Variants in OR2L13 observed in about 807,000 individuals in gnomAD.
OR2L13 encodes olfactory receptor family 2 subfamily L member 13.
In OR2L13, 14 loss-of-function variants were observed where a neutral mutation model predicts 15.3. That is an observed-to-expected ratio of 0.91 (90% CI 0.60 to 1.43). The LOEUF is 1.43. Ranked by LOEUF, OR2L13 falls within the 40% of genes most tolerant of loss-of-function variation. The pLI, the probability that OR2L13 is intolerant of heterozygous loss-of-function variation, is 0.00. For missense variants in OR2L13, 367 were observed against 387.9 expected, an observed-to-expected ratio of 0.95 and a Z score of 0.45; for synonymous variants, 152 against 142.9, an observed-to-expected ratio of 1.06 and a Z score of -0.45.
the OR2L13 span, among the ~76,000 whole-genome samples, chr1:248,049,226 T>C: frequency 1.3e-5 from 2 of 152,168 alleles, no homozygotes; most frequent in African/African-American, 4.8e-5. Context: ...GAGACTATGT[T>C]TGAAAAATCT....
At chr1:247,971,031 C>T in the OR2L13 span, among the ~76,000 whole-genome samples, 3 of 152,030 alleles carry the variant, frequency 2.0e-5, no homozygotes, top group African/African-American at 7.3e-5. Flanking sequence ...AATTTTCAGG[C>T]AAGAAATTTG....
chr1:247,976,288 G>T, the OR2L13 span, among the ~76,000 whole-genome samples: 5 of 152,132 alleles, frequency 3.3e-5, no homozygotes, highest in Non-Finnish European at 5.9e-5. Context: ...GGTTGCCACC[G>T]GTATTCTCAT....
upstream of OR2L13, among the ~76,000 whole-genome samples, chr1:248,096,215 G>A (rs776995737): frequency 2.0e-5 from 3 of 151,506 alleles, no homozygotes; most frequent in Non-Finnish European, 4.4e-5. Context: ...GGTCTCTACT[G>A]AAAATACAAA....
At chr1:248,053,358 T>C in the OR2L13 span, among the ~76,000 whole-genome samples, 1 of 152,242 alleles carries the variant, frequency 6.6e-6, no homozygotes, top group Non-Finnish European at 1.5e-5. Flanking sequence ...CTATCATTAA[T>C]GGACATTTGG....
chr1:248,021,699 A>G, the OR2L13 span, among the ~76,000 whole-genome samples: 1 of 152,218 alleles, frequency 6.6e-6, no homozygotes, highest in African/African-American at 2.4e-5. Flanking sequence ...CTTTTATTAG[A>G]GTATATAGTT....
chr1:248,017,909 G>A, the OR2L13 span, among the ~76,000 whole-genome samples: 135 of 152,198 alleles, frequency 8.9e-4, no homozygotes, highest in African/African-American at 3.2e-3. Context: ...TAAGAAGGAG[G>A]TGAGGGAGAA....
At chr1:247,976,961 C>G in the OR2L13 span, among the ~76,000 whole-genome samples, 1 of 152,242 alleles carries the variant, frequency 6.6e-6, no homozygotes, top group Non-Finnish European at 1.5e-5. Context: ...TCTCAGGGTA[C>G]ACATCAGGTA....
At chr1:247,959,411 T>G in the OR2L13 span, among the ~76,000 whole-genome samples, 1 of 152,122 alleles carries the variant, frequency 6.6e-6, no homozygotes, top group Non-Finnish European at 1.5e-5. Context: ...GAATCTGACA[T>G]TTGCTTTTCT....
the OR2L13 span, among the ~76,000 whole-genome samples, chr1:248,021,479 A>T: frequency 1.3e-5 from 2 of 152,172 alleles, no homozygotes; most frequent in Non-Finnish European, 2.9e-5. Flanking sequence ...TTGGGTGGAA[A>T]ATGCCACAAA....
chr1:248,073,792 T>C, the OR2L13 span, among the ~76,000 whole-genome samples: 2 of 151,852 alleles, frequency 1.3e-5, no homozygotes, highest in Non-Finnish European at 2.9e-5. Flanking sequence ...TGTAGATAAA[T>C]AACATGTTTT....
the OR2L13 span, among the ~76,000 whole-genome samples, chr1:247,945,369 G>A: frequency 6.6e-6 from 1 of 152,188 alleles, no homozygotes; most frequent in Non-Finnish European, 1.5e-5. Context: ...TGGTCTGACA[G>A]ACTGTTTGTT....
the OR2L13 span, chr1:247,980,738 A>G: frequency 6.6e-6 from 1 of 152,182 alleles, no homozygotes; most frequent in Non-Finnish European, 1.5e-5. Flanking sequence ...AGGTAAAGAA[A>G]CACCGGAATC....
chr1:247,951,984 T>C, the OR2L13 span, among the ~76,000 whole-genome samples: 3 of 152,106 alleles, frequency 2.0e-5, no homozygotes, highest in Admixed American at 6.5e-5. Flanking sequence ...TGTGTGTGTG[T>C]GTGTGTGTGC....
the OR2L13 span, among the ~76,000 whole-genome samples, chr1:247,953,367 C>T: frequency 5.3e-5 from 8 of 152,018 alleles, no homozygotes; most frequent in Non-Finnish European, 8.8e-5. Flanking sequence ...TTATATCATG[C>T]GGTATCTATG....
At chr1:248,005,661 T>C in the OR2L13 span, among the ~76,000 whole-genome samples, 2 of 152,222 alleles carry the variant, frequency 1.3e-5, no homozygotes, top group Admixed American at 6.5e-5. Flanking sequence ...ATTCAATCCA[T>C]GAGCATTGGA....
chr1:247,993,809 G>GAA, the OR2L13 span, among the ~76,000 whole-genome samples: 26 of 132,936 alleles, frequency 2.0e-4, no homozygotes, highest in Admixed American at 2.9e-4. Context: ...GAGAGAGAGA[G>GAA]AGAAAGAAAG....
At chr1:247,949,757 G>C in the OR2L13 span, 16 of 1,612,730 alleles carry the variant, frequency 9.9e-6, no homozygotes, top group Non-Finnish European at 1.4e-5. Flanking sequence ...TGGGGGCCCT[G>C]ACACGAGTGA....
At chr1:247,956,505 A>T in the OR2L13 span, among the ~76,000 whole-genome samples, 1 of 150,532 alleles carries the variant, frequency 6.6e-6, no homozygotes, top group African/African-American at 2.4e-5. Context: ...CTTGATGGGG[A>T]TGGCATTGAA....
chr1:248,086,984 T>C, the OR2L13 span, among the ~76,000 whole-genome samples: 1 of 152,110 alleles, frequency 6.6e-6, no homozygotes, highest in Admixed American at 6.6e-5. Context: ...CCATGCCCTT[T>C]CTGAAGCTGG....
Sources: gnomAD v4.1 joint callset for allele counts (sites outside exome capture counted in the v4.1 genomes callset) on GRCh38, gnomAD v4.1.1 for gene constraint, MANE v1.5 for transcripts, NCBI Gene and HGNC (gene_info 2026-07-23, HGNC 2026-07-21) for gene names.